The following RNF145 variants were observed in gnomAD, a reference collection of about 807,000 sequenced individuals.
RNF145 encodes the protein ring finger protein 145.
A neutral mutation model predicts 57.3 loss-of-function variants in RNF145; 12 were observed. The ratio of observed to expected loss-of-function variants is 0.21; its 90% CI spans 0.13 to 0.34. RNF145 has a LOEUF of 0.34. Among genes scored for constraint, RNF145 ranks in the 10% least tolerant of loss-of-function variants. The pLI is 1.00. For synonymous variants in RNF145, 262 were observed against 288.3 expected (o/e 0.91, Z 0.92); for missense variants, 429 against 799.0 (o/e 0.54, Z 5.58).
intron 3 of RNF145, among the ~76,000 whole-genome samples, chr5:159,184,251 T>C (rs922540152): frequency 6.6e-6 from 1 of 152,280 alleles, no homozygotes; most frequent in African/African-American, 2.4e-5. Context: ...CTGCATTTTT[T>C]CATAGCCTAC....
intron 4 of RNF145, 148 bp downstream of exon 4, chr5:159,181,812 A>G: frequency 1.9e-6 from 1 of 524,744 alleles, no homozygotes; most frequent in Admixed American, 3.2e-5. Flanking sequence ...AAAAAAAAAA[A>G]CCACCAAACA....
intron 5 of RNF145, among the ~76,000 whole-genome samples, chr5:159,175,267 A>T (rs892649484): frequency 6.6e-6 from 1 of 152,104 alleles, no homozygotes; most frequent in African/African-American, 2.4e-5. Flanking sequence ...GAGGCAGAGA[A>T]TATTTTTCTT....
rs553921431 is a variant in RNF145, at chr5:159,163,083, G to C, written c.1122-4C>G. The C allele has an allele frequency of 6.9e-6, 11 of 1,587,166 alleles. No homozygotes were observed. The East Asian group carries it at 2.5e-4, about 36-fold the overall frequency. On this transcript the variant is annotated splice_region_variant and splice_polypyrimidine_tract_variant and intron_variant, in intron 8 of 10. Coordinates refer to ENST00000424310, the MANE Select transcript of RNF145 (RefSeq NM_001199383.2). The stretch of plus-strand genomic sequence containing the variant: ...ACGGAAGTGTTTCCACAAGCTCCTG[G>C]AGAAAGACAAAATTATTCTTTTTAA...
intron 2 of RNF145, among the ~76,000 whole-genome samples, chr5:159,195,266 C>T (rs1785418449): frequency 6.6e-6 from 1 of 152,068 alleles, no homozygotes; most frequent in African/African-American, 2.4e-5. Context: ...TACTTTCAGT[C>T]GTTCCCCCTG....
intron 6 of RNF145, among the ~76,000 whole-genome samples, chr5:159,172,321 T>C (rs1053960345): frequency 3.3e-5 from 5 of 152,028 alleles, no homozygotes; most frequent in African/African-American, 4.8e-5. Flanking sequence ...TCTCTACTAA[T>C]AATATAAAAA....
At chr5:159,187,428 A>C (rs1224368225) in intron 3 of RNF145, among the ~76,000 whole-genome samples, 1 of 151,792 alleles carries the variant, frequency 6.6e-6, no homozygotes, top group African/African-American at 2.4e-5. Flanking sequence ...TCCAGGTTCA[A>C]GCGATTCTCC....
chr5:159,164,902 G>T (rs1784343000), intron 8 of RNF145, among the ~76,000 whole-genome samples: 1 of 152,194 alleles, frequency 6.6e-6, no homozygotes, highest in Non-Finnish European at 1.5e-5. Context: ...CAACTCCAAA[G>T]ACGTATTTAT....
chr5:159,194,317 G>C (rs184153599), intron 3 of RNF145, among the ~76,000 whole-genome samples: 1 of 152,092 alleles, frequency 6.6e-6, no homozygotes, highest in African/African-American at 2.4e-5. Flanking sequence ...GATTACAGGC[G>C]CCCGCCACCA....
intron 2 of RNF145, among the ~76,000 whole-genome samples, chr5:159,202,124 A>T (rs1785689770): frequency 6.6e-6 from 1 of 152,204 alleles, no homozygotes; most frequent in South Asian, 2.1e-4. Context: ...TATGAACTTC[A>T]ATTGTACTCG....
At chr5:159,193,217 C>T (rs1019709054) in intron 3 of RNF145, among the ~76,000 whole-genome samples, 4 of 152,190 alleles carry the variant, frequency 2.6e-5, no homozygotes, top group Non-Finnish European at 1.5e-5. Context: ...TTGAAGGGAA[C>T]ACAGCTTGAT....
At chr5:159,209,797 A>G (rs1025962385), upstream of RNF145, 26 of 1,486,390 alleles carry the variant, frequency 1.7e-5, no homozygotes, top group African/African-American at 3.3e-4. Context: ...ATTCTGACAC[A>G]CGTGCTCTCT....
chr5:159,189,168 A>G (rs915721362), intron 3 of RNF145, among the ~76,000 whole-genome samples: 3 of 152,254 alleles, frequency 2.0e-5, no homozygotes, highest in Admixed American at 2.0e-4. Flanking sequence ...TGCAAATCAT[A>G]GATCTGATAA....
chr5:159,167,617 C>T (rs1316356403), intron 8 of RNF145, among the ~76,000 whole-genome samples: 1 of 152,144 alleles, frequency 6.6e-6, no homozygotes, highest in East Asian at 1.9e-4. Flanking sequence ...AAGAAATCTA[C>T]TTTTCAGATC....
intron 1 of RNF145, chr5:159,207,416 T>C: frequency 9.0e-7 from 1 of 1,107,302 alleles, no homozygotes; most frequent in East Asian, 2.6e-5. Flanking sequence ...CTTAAAACTA[T>C]TCAGTACAAT....
intron 1 of RNF145, chr5:159,207,668 C>T (rs546077838): frequency 2.5e-6 from 4 of 1,612,216 alleles, no homozygotes; most frequent in South Asian, 1.1e-5. Context: ...GGAAAGAGAA[C>T]GCATTTCTTA....
chr5:159,206,797 A>G (rs1280052801), intron 1 of RNF145, among the ~76,000 whole-genome samples: 2 of 152,326 alleles, frequency 1.3e-5, no homozygotes, highest in Non-Finnish European at 2.9e-5. Flanking sequence ...AGCCAAATAC[A>G]TAAACTTCCT....
chr5:159,203,337 A>G (rs1221015713), intron 2 of RNF145, 97 bp downstream of exon 2: 1 of 808,652 alleles, frequency 1.2e-6, no homozygotes, highest in African/African-American at 1.7e-5. Flanking sequence ...TATCATCTTA[A>G]TGAAAATGAA....
At chr5:159,200,463 G>A (rs1320717858) in intron 2 of RNF145, among the ~76,000 whole-genome samples, 2 of 152,134 alleles carry the variant, frequency 1.3e-5, no homozygotes, top group African/African-American at 4.8e-5. Flanking sequence ...CTAAATAGGT[G>A]AGGATGACTG....
At chr5:159,162,795 T>A in intron 9 of RNF145, 137 bp downstream of exon 9, 1 of 655,670 alleles carries the variant, frequency 1.5e-6, no homozygotes, top group Non-Finnish European at 2.6e-6. Flanking sequence ...ATGTAATGTG[T>A]TCTAGTAAAG....
Sources: gnomAD v4.1 joint callset for allele counts (sites outside exome capture counted in the v4.1 genomes callset) on GRCh38, gnomAD v4.1.1 for gene constraint, MANE v1.5 for transcripts, NCBI Gene and HGNC (gene_info 2026-07-23, HGNC 2026-07-21) for gene names.